SLIT3: variants seen among roughly 807,000 people sequenced by gnomAD.
SLIT3 encodes the protein slit guidance ligand 3.
Under a neutral mutation model 184.0 loss-of-function variants are expected in SLIT3, and 68 were observed. The observed-to-expected ratio is 0.37, with a 90% CI of 0.30 to 0.45. SLIT3 has a LOEUF of 0.45. Among genes scored for constraint, SLIT3 ranks in the 20% least tolerant of loss-of-function variants. SLIT3 has a pLI of 1.00. For synonymous variants in SLIT3, 831 were observed against 828.6 expected (o/e 1.00, Z -0.05); for missense variants, 1,707 against 2,026.0 (o/e 0.84, Z 3.02).
rs147230433 is a variant in SLIT3 at position 168,772,842 on chromosome 5, G to T, written c.1398C>A (p.Ser466Arg). The change falls in exon 14 of 36, where the codon AGC becomes AGA. Residue 466 changes from serine (S) to arginine (R), a missense_variant. This residue lies in a region of SLIT3 where 1,307 missense variants were observed against 1,511.6 expected (regional missense o/e 0.86). Coordinates refer to ENST00000519560, the MANE Select transcript of SLIT3 (RefSeq NM_003062.4). ...PIETSGARCS[S>R]PRRLANKRIS... ...TGCGCTTGTTGGCGAGTCGGCGCGG[G>T]CTGCTGCAGCGGGCCCCGCTTGTCT... The T allele has an allele frequency of 6.2e-7, 1 of 1,614,154 alleles. No individual in the cohort carries two copies. Among genetic ancestry groups the T allele is most frequent in the South Asian group, 1.1e-5 (1 of 91,078 alleles).
chr5:168,954,082 A>C (rs1361856694), intron 4 of SLIT3, among the ~76,000 whole-genome samples: 34 of 152,174 alleles, frequency 2.2e-4, no homozygotes, highest in Admixed American at 2.2e-3. Context: ...AGTTCATGGA[A>C]AATGGTCTTA....
chr5:168,919,904 A>G (rs780741459), intron 4 of SLIT3, among the ~76,000 whole-genome samples: 8 of 152,276 alleles, frequency 5.3e-5, no homozygotes, highest in Non-Finnish European at 7.3e-5. Flanking sequence ...ATGTACACTC[A>G]ATTTGATATT....
intron 4 of SLIT3, among the ~76,000 whole-genome samples, chr5:169,021,210 C>T (rs185807797): frequency 1.3e-5 from 2 of 152,174 alleles, no homozygotes; most frequent in African/African-American, 4.8e-5. Flanking sequence ...CAGAGGTTTC[C>T]AAAGCAGCTT....
chr5:168,998,476 C>T (rs377070593), intron 4 of SLIT3, among the ~76,000 whole-genome samples: 8 of 152,040 alleles, frequency 5.3e-5, no homozygotes, highest in South Asian at 4.1e-4. Flanking sequence ...GAGGCTGAGG[C>T]GGGCAGATCA....
At chr5:169,197,389 A>C (rs572610063) in intron 3 of SLIT3, among the ~76,000 whole-genome samples, 1 of 152,288 alleles carries the variant, frequency 6.6e-6, no homozygotes, top group South Asian at 2.1e-4. Flanking sequence ...GGGCCTGGAA[A>C]GTCTTCCTTG....
chr5:168,667,112 C>T (rs1237323098), intron 35 of SLIT3, among the ~76,000 whole-genome samples: 1 of 152,134 alleles, frequency 6.6e-6, no homozygotes, highest in Non-Finnish European at 1.5e-5. Context: ...GGATTTCTGC[C>T]TTCCTTGAAA....
intron 3 of SLIT3, among the ~76,000 whole-genome samples, chr5:169,222,454 C>T (rs977636210): frequency 7.9e-5 from 12 of 152,042 alleles, no homozygotes; most frequent in Non-Finnish European, 1.3e-4. Context: ...AGTACATGCT[C>T]AATATCAATT....
chr5:169,167,306 A>T (rs1331879010), intron 4 of SLIT3, among the ~76,000 whole-genome samples: 1 of 108,424 alleles, frequency 9.2e-6, no homozygotes, highest in Non-Finnish European at 1.7e-5. Context: ...ATGGAGTCTC[A>T]CTCTGTCACC....
chr5:169,246,968 C>T (rs1231474583), intron 2 of SLIT3, among the ~76,000 whole-genome samples: 6 of 141,828 alleles, frequency 4.2e-5, no homozygotes, highest in South Asian at 4.6e-4. Flanking sequence ...CAGTGGCTCA[C>T]GCCTGTAATC....
chr5:168,702,186 G>C lies in SLIT3; in HGVS notation c.2845-1507C>G, dbSNP rs149702700. Reference sequence around the variant, plus strand: ...TGAAAGTTGGTGTGGAATGGAAACTGTAATACTAATTCTCACCCACTTTGC... The same window carrying C: ...TGAAAGTTGGTGTGGAATGGAAACTCTAATACTAATTCTCACCCACTTTGC... On this transcript the variant is annotated intron_variant, in intron 26 of 35. Coordinates refer to ENST00000519560, the MANE Select transcript of SLIT3 (RefSeq NM_003062.4). 1.1e-3 allele frequency among the ~76,000 whole-genome samples: 170 copies of C among 152,342 alleles called. No individual in the cohort carries two copies. In the Middle Eastern group the frequency reaches 0.024, roughly 21 times the overall value.
rs145453998 is a variant in SLIT3, at chr5:169,142,861, A to G, written c.413+50618T>C. 9.4e-4 allele frequency among the ~76,000 whole-genome samples: 143 copies of G among 152,316 alleles called. 5 individuals are homozygous for G. The highest frequency in any genetic ancestry group is 3.3e-3 in the African/African-American group (139 of 41,572). ...GGCATGTACTCCAAGCTGAGTCAATAATCTGTGATGGAGATTGTTCAAATT... is the reference window on the plus strand; with the variant it reads ...GGCATGTACTCCAAGCTGAGTCAATGATCTGTGATGGAGATTGTTCAAATT... On this transcript the variant is annotated intron_variant, in intron 4 of 35. Transcript: ENST00000519560.
At chr5:168,875,699 GGAGA>G (rs1305062458) in intron 5 of SLIT3, among the ~76,000 whole-genome samples, 3 of 150,938 alleles carry the variant, frequency 2.0e-5, no homozygotes, top group Non-Finnish European at 3.0e-5. Context: ...AGAAATGAAA[GGAGA>G]AAGGGAGACA....
At chr5:168,762,426 ACAC>A in intron 15 of SLIT3, 110 bp downstream of exon 15, 2 of 1,132,348 alleles carry the variant, frequency 1.8e-6, no homozygotes, top group Non-Finnish European at 1.3e-6. Context: ...CAGCCAACAA[ACAC>A]CACATGACTG....
intron 4 of SLIT3, among the ~76,000 whole-genome samples, chr5:168,996,781 C>T (rs559669644): frequency 2.0e-4 from 31 of 152,270 alleles, no homozygotes; most frequent in African/African-American, 5.5e-4. Context: ...GTGCTCCTGA[C>T]GGTGAGGGGC....
At chr5:169,051,494 T>C (rs1034204166) in intron 4 of SLIT3, among the ~76,000 whole-genome samples, 9 of 152,186 alleles carry the variant, frequency 5.9e-5, no homozygotes, top group Admixed American at 2.6e-4. Context: ...TTGGAATCAA[T>C]AGACAGCTGT....
chr5:169,290,580 A>G (rs2113659460), intron 1 of SLIT3, among the ~76,000 whole-genome samples: 1 of 150,574 alleles, frequency 6.6e-6, no homozygotes, highest in Non-Finnish European at 1.5e-5. Flanking sequence ...GGTGCGCACT[A>G]GGGCACATGC....
At chr5:168,679,403 G>A (rs1439145742) in intron 32 of SLIT3, among the ~76,000 whole-genome samples, 3 of 152,078 alleles carry the variant, frequency 2.0e-5, no homozygotes, top group African/African-American at 7.2e-5. Flanking sequence ...TAATCCCTTA[G>A]TAGAGGCCAG....
intron 3 of SLIT3, among the ~76,000 whole-genome samples, chr5:169,216,706 G>T (rs1197808907): frequency 1.3e-5 from 2 of 152,310 alleles, no homozygotes; most frequent in Admixed American, 6.5e-5. Flanking sequence ...CTGTGAGGAT[G>T]TGAGGGCTCC....
chr5:168,963,701 G>A (rs184275122), intron 4 of SLIT3, among the ~76,000 whole-genome samples: 98 of 152,322 alleles, frequency 6.4e-4, no homozygotes, highest in African/African-American at 2.3e-3. Flanking sequence ...CATCATAGGC[G>A]TCTGATAGGC....
Sources: allele counts gnomAD v4.1 joint callset (sites outside exome capture counted in the v4.1 genomes callset), GRCh38; gene constraint gnomAD v4.1.1; regional missense constraint gnomAD v4.1.1; transcripts MANE v1.5; gene names NCBI Gene and HGNC (gene_info 2026-07-23, HGNC 2026-07-21).